Variants in TTC19 observed in about 807,000 individuals in gnomAD.
The protein encoded by TTC19 is tetratricopeptide repeat protein 19, mitochondrial.
A neutral mutation model predicts 49.5 loss-of-function variants in TTC19; 38 were observed. The observed-to-expected ratio is 0.77, with a 90% confidence interval of 0.59 to 1.01. The LOEUF is 1.01. Ranked by LOEUF, TTC19 falls within the 50% of genes least tolerant of loss-of-function variation. The probability of loss-of-function intolerance (pLI) is 0.00; values close to 1 mark genes in which losing one functional copy is unlikely to be tolerated. For synonymous variants in TTC19, 204 were observed against 185.2 expected (o/e 1.10, Z -0.83); for missense variants, 475 against 477.7 (o/e 0.99, Z 0.05).
chr17:16,006,306 A>G (rs1970905698), intron 6 of TTC19, among the ~76,000 whole-genome samples, 168 bp from the exon 7 acceptor site: 1 of 152,116 alleles, frequency 6.6e-6, no homozygotes, highest in Non-Finnish European at 1.5e-5. Context: ...GCTATTCGAG[A>G]GGCTAAGGCA....
intron 7 of TTC19, among the ~76,000 whole-genome samples, chr17:16,008,747 G>C (rs915820874): frequency 6.6e-6 from 1 of 151,904 alleles, no homozygotes; most frequent in Non-Finnish European, 1.5e-5. Context: ...CCCCTACCTA[G>C]ACTGTTCTCT....
intron 4 of TTC19, 45 bp from the exon 5 acceptor site, chr17:16,003,786 A>T (rs772502445): frequency 2.3e-5 from 34 of 1,494,030 alleles, no homozygotes; most frequent in South Asian, 4.7e-5. Flanking sequence ...TATATATATA[A>T]AATGGGGCCC....
At chr17:16,012,281 T>A (rs1971097278) in intron 7 of TTC19, among the ~76,000 whole-genome samples, 1 of 152,028 alleles carries the variant, frequency 6.6e-6, no homozygotes, top group Non-Finnish European at 1.5e-5. Flanking sequence ...TTGAGGTCAG[T>A]CGTTAAAGAC....
exon 3 of TTC19, chr17:16,044,930 T>A: frequency 1.5e-6 from 1 of 661,360 alleles, no homozygotes; most frequent in Non-Finnish European, 2.7e-6. Flanking sequence ...AGGAGTCTGA[T>A]GATGACATGG....
Position 16,026,572 on chromosome 17 carries a change from C to T in TTC19, c.864C>T (p.Thr288=). ...TGCTGATGAGTGACCTGGCTACTAC[C>T]CTGGATGCACAGGGCCGCTTTGATG... ...TIVLMSDLAT[T]LDAQGRFDEA... Residue 288 remains threonine (T), a synonymous_variant, in exon 9 of 10, where the codon ACC becomes ACT. Coordinates refer to ENST00000261647, the MANE Select transcript of TTC19 (RefSeq NM_017775.4). 6.2e-7 allele frequency: 1 copy of T among 1,614,020 alleles called. No homozygotes were observed. Among genetic ancestry groups the T allele is most frequent in the Non-Finnish European group, 8.5e-7 (1 of 1,179,982 alleles).
In TTC19 at chr17:16,000,124, C is replaced by A. The variant is rs1970672868; in HGVS notation, c.191C>A (p.Ala64Asp). Reference sequence around the variant, plus strand: ...TCAGAGCCCCTTCCCGCAGCGCTCGCCTGGTTCTCGAGGCCCGCTGCGGCA... The same window carrying A: ...TCAGAGCCCCTTCCCGCAGCGCTCGACTGGTTCTCGAGGCCCGCTGCGGCA... ...PGLLPLLAAL[A>D]WFSRPAAAEE... The change falls in exon 2 of 10, where the codon GCC (alanine) becomes GAC (aspartate). Residue 64 changes from alanine to aspartate, a missense_variant. By Grantham distance (126) the Ala-to-Asp change is moderately radical (BLOSUM62 -2). Coordinates refer to ENST00000261647, the MANE Select transcript of TTC19 (RefSeq NM_017775.4). The A allele has an allele frequency of 6.4e-7, 1 of 1,564,170 alleles. No homozygotes were observed. The highest frequency in any genetic ancestry group is 2.3e-5 in the East Asian group (1 of 43,480).
chr17:16,044,786 A>G (rs2058380864), exon 3 of TTC19: 1 of 1,083,246 alleles, frequency 9.2e-7, no homozygotes, highest in Non-Finnish European at 1.4e-6. Flanking sequence ...CAATGTCAAC[A>G]TTGGGAGCCT....
chr17:16,037,536 C>T (rs1308555271), intron 2 of TTC19, among the ~76,000 whole-genome samples: 1 of 152,126 alleles, frequency 6.6e-6, no homozygotes, highest in Non-Finnish European at 1.5e-5. Flanking sequence ...AATTAAGGAA[C>T]TGAAATTTCT....
At position 16,027,596 on chromosome 17, in the gene TTC19, C is replaced by G; in HGVS notation, c.*74C>G. ...CTATCATTCCTGTCTCTGTGGCACC[C>G]GATCAATGGCTTAAATCTGTCGTTT... On this transcript the variant is annotated 3_prime_UTR_variant, in exon 10 of 10. Transcript: ENST00000261647. 1 of 1,536,422 alleles carries G rather than the reference C, an allele frequency of 6.5e-7. No homozygotes were observed. Among genetic ancestry groups the G allele is most frequent in the Non-Finnish European group, 9.0e-7 (1 of 1,114,578 alleles).
chr17:16,009,500 C>CT (rs75121828), intron 7 of TTC19, among the ~76,000 whole-genome samples: 24,635 of 151,356 alleles, frequency 0.16, 4,482 homozygotes, highest in African/African-American at 0.45. Context: ...TATGAAAACA[C>CT]TTTTTTTTTC....
chr17:16,022,550 G>A (rs771769242), intron 7 of TTC19, among the ~76,000 whole-genome samples: 1 of 152,188 alleles, frequency 6.6e-6, no homozygotes. Context: ...TTGATGGTGA[G>A]GGGGTAGGGG....
chr17:16,032,120 C>A, downstream of TTC19: 1 of 627,572 alleles, frequency 1.6e-6, no homozygotes, highest in Non-Finnish European at 2.5e-6. Context: ...TTGTTTTTTT[C>A]CCATTTGACT....
At chr17:16,000,750 TG>T (rs1970701656) in intron 2 of TTC19, among the ~76,000 whole-genome samples, 3 of 152,186 alleles carry the variant, frequency 2.0e-5, no homozygotes, top group African/African-American at 7.2e-5. Context: ...CGTCCAAATT[TG>T]TATTTCCATT....
chr17:16,010,715 G>A (rs1005346303), intron 7 of TTC19, among the ~76,000 whole-genome samples: 24 of 152,016 alleles, frequency 1.6e-4, no homozygotes, highest in African/African-American at 5.3e-4. Flanking sequence ...CTCATGATCC[G>A]CCTGCCTTTG....
exon 3 of TTC19, chr17:16,044,646 G>GC (rs2058355897): frequency 1.6e-6 from 1 of 644,224 alleles, no homozygotes; most frequent in East Asian, 3.3e-5. Flanking sequence ...GAGCTCGCCT[G>GC]CATCTACTCA....
At chr17:16,002,357 A>G (rs1364246896) in intron 3 of TTC19, among the ~76,000 whole-genome samples, 2 of 151,980 alleles carry the variant, frequency 1.3e-5, no homozygotes, top group South Asian at 4.1e-4. Flanking sequence ...TTTGTATTGT[A>G]GTAGAGACGA....
chr17:16,015,448 C>CT (rs1971187268), intron 7 of TTC19, among the ~76,000 whole-genome samples: 1 of 152,132 alleles, frequency 6.6e-6, no homozygotes, highest in African/African-American at 2.4e-5. Context: ...TTACACTACT[C>CT]TTACGTATCT....
intron 2 of TTC19, chr17:16,039,592 T>C (rs745660317): frequency 1.2e-6 from 2 of 1,614,160 alleles, no homozygotes; most frequent in South Asian, 1.1e-5. Flanking sequence ...TTCCTGATAA[T>C]GTCTTCCAGC....
At position 16,018,541 on chromosome 17, in the gene TTC19, G is replaced by A. The variant is rs921378886; in HGVS notation, c.677-6476G>A. ...TTGTTTTTTGAGATAGGGTCTCACT[G>A]TGTCGCCCAGGCTGGAGTGCAGTGG... On this transcript the variant is annotated intron_variant, in intron 7 of 9. Coordinates refer to ENST00000261647, the MANE Select transcript of TTC19 (RefSeq NM_017775.4). Among the ~76,000 whole-genome samples, 22 of 152,014 alleles carry A rather than the reference G, an allele frequency of 1.4e-4. 1 individual carries two copies. The highest frequency in any genetic ancestry group is 5.3e-4 in the African/African-American group (22 of 41,410).
Sources: allele counts gnomAD v4.1 joint callset (sites outside exome capture counted in the v4.1 genomes callset), GRCh38; gene constraint gnomAD v4.1.1; transcripts MANE v1.5; gene names NCBI Gene and HGNC (gene_info 2026-07-23, HGNC 2026-07-21).